TFB1M: variants seen among roughly 807,000 people sequenced by gnomAD.
The protein encoded by TFB1M is dimethyladenosine transferase 1, mitochondrial.
In TFB1M, 27 loss-of-function variants were observed where a neutral mutation model predicts 31.1. The ratio of observed to expected loss-of-function variants is 0.87; its 90% CI spans 0.64 to 1.20. The LOEUF is 1.20. Ranked by LOEUF, TFB1M falls within the 50% of genes most tolerant of loss-of-function variation. The pLI is 0.00. For missense variants in TFB1M, 394 were observed against 418.7 expected (o/e 0.94, Z 0.51); for synonymous variants, 166 against 151.8 (o/e 1.09, Z -0.69).
At chr6:155,296,705 T>G (rs1403198291) in intron 4 of TFB1M, among the ~76,000 whole-genome samples, 1 of 152,208 alleles carries the variant, frequency 6.6e-6, no homozygotes, top group Non-Finnish European at 1.5e-5. Flanking sequence ...CGATGGCTGT[T>G]GCATCCCTGT....
chr6:155,256,742 G>A lies in TFB1M; in HGVS notation c.*1094C>T, dbSNP rs370861581. 8.7e-6 allele frequency: 14 copies of A among 1,614,084 alleles called. No homozygotes were observed. The highest frequency in any genetic ancestry group is 1.6e-4 in the Middle Eastern group (1 of 6,084). On this transcript the variant is annotated 3_prime_UTR_variant, in exon 7 of 7. Coordinates refer to ENST00000367166, the MANE Select transcript of TFB1M (RefSeq NM_016020.4). The stretch of plus-strand genomic sequence containing the variant: ...CTGAGCGATGAAGATGATGACCACC[G>A]TCAGACTGTGAAGCAGGGCAGCCCT...
the TFB1M span, among the ~76,000 whole-genome samples, chr6:155,243,673 C>T: frequency 1.3e-5 from 2 of 151,444 alleles, no homozygotes; most frequent in Non-Finnish European, 2.9e-5. Flanking sequence ...ATGGTGAAAC[C>T]CTGCCCCTAC....
intron 4 of TFB1M, 97 bp downstream of exon 4, chr6:155,296,856 A>G (rs574732639): frequency 1.7e-6 from 2 of 1,185,270 alleles, no homozygotes; most frequent in Admixed American, 1.8e-5. Context: ...ATAAGATATT[A>G]ACTTAGAAAA....
chr6:155,232,965 A>G, the TFB1M span: 1 of 152,116 alleles, frequency 6.6e-6, no homozygotes, highest in Non-Finnish European at 1.5e-5. Flanking sequence ...CTTTTTTCTT[A>G]GACTGAAAGT....
chr6:155,272,401 G>A (rs936339318), intron 5 of TFB1M, among the ~76,000 whole-genome samples: 1 of 152,058 alleles, frequency 6.6e-6, no homozygotes, highest in Non-Finnish European at 1.5e-5. Flanking sequence ...GAAGGTGCCT[G>A]GGTTCTGTTC....
At chr6:155,292,543 C>G (rs1180769981) in intron 4 of TFB1M, among the ~76,000 whole-genome samples, 1 of 151,852 alleles carries the variant, frequency 6.6e-6, no homozygotes, top group Admixed American at 6.6e-5. Flanking sequence ...CTCAACGAGC[C>G]CCAAATTAAA....
At chr6:155,236,828 C>T in the TFB1M span, among the ~76,000 whole-genome samples, 1 of 152,174 alleles carries the variant, frequency 6.6e-6, no homozygotes, top group Non-Finnish European at 1.5e-5. Context: ...CAATCATCTC[C>T]CACTGGGCCC....
At chr6:155,230,265 G>A in the TFB1M span, among the ~76,000 whole-genome samples, 4 of 152,204 alleles carry the variant, frequency 2.6e-5, no homozygotes, top group African/African-American at 7.2e-5. Context: ...GGTGTCCACA[G>A]TTCCTAACTC....
At chr6:155,266,734 C>A (rs113984694) in intron 5 of TFB1M, among the ~76,000 whole-genome samples, 5 of 151,162 alleles carry the variant, frequency 3.3e-5, no homozygotes, top group African/African-American at 1.2e-4. Flanking sequence ...GTAGTCCCCG[C>A]TACTTGGGAG....
chr6:155,256,295 T>A lies in TFB1M; in HGVS notation c.*1541A>T, dbSNP rs1784019770. 3.7e-6 allele frequency: 3 copies of A among 810,264 alleles called. No homozygotes were observed. Among genetic ancestry groups the A allele is most frequent in the East Asian group, 5.3e-5 (2 of 37,526 alleles). The allele number at this position is 810,264 out of a possible 1,614,324, so 50.2% of individuals were successfully genotyped here. On this transcript the variant is annotated 3_prime_UTR_variant, in exon 7 of 7. Transcript: ENST00000367166. ...TGCTGAATTGCCTAACTTACAACTG[T>A]AAACCTAAGTCAAAAATGTCCATGT...
At chr6:155,287,429 G>A (rs1776712527) in intron 4 of TFB1M, among the ~76,000 whole-genome samples, 1 of 152,038 alleles carries the variant, frequency 6.6e-6, no homozygotes, top group South Asian at 2.1e-4. Flanking sequence ...TGATAATTCT[G>A]ATAATGGAAT....
At chr6:155,307,160 CACACACAT>C (rs1359859914) in intron 2 of TFB1M, among the ~76,000 whole-genome samples, 2 of 151,550 alleles carry the variant, frequency 1.3e-5, no homozygotes, top group East Asian at 3.9e-4. Context: ...CACACACACA[CACACACAT>C]ATACACACAG....
intron 4 of TFB1M, among the ~76,000 whole-genome samples, chr6:155,295,606 G>A: frequency 6.6e-6 from 1 of 152,124 alleles, no homozygotes; most frequent in South Asian, 2.1e-4. Flanking sequence ...ATGTACATGG[G>A]GATTCAGGAG....
At chr6:155,269,069 A>C (rs1230926261) in intron 5 of TFB1M, among the ~76,000 whole-genome samples, 1 of 151,218 alleles carries the variant, frequency 6.6e-6, no homozygotes, top group Non-Finnish European at 1.5e-5. Flanking sequence ...ACTTTGCAGG[A>C]CTGAGAAGTA....
intron 2 of TFB1M, among the ~76,000 whole-genome samples, chr6:155,298,867 A>G (rs1777301168): frequency 6.6e-6 from 1 of 152,234 alleles, no homozygotes; most frequent in African/African-American, 2.4e-5. Context: ...TTCTATTTCT[A>G]TATAGATTTA....
Position 155,257,023 on chromosome 6 carries a change from C to T in TFB1M, c.*813G>A. ...TCAGTCTGAAAATGCCACCATCGAC[C>T]TAAATTCTGTTCTAGAGCGAGAATT... On this transcript the variant is annotated 3_prime_UTR_variant, in exon 7 of 7. Coordinates refer to ENST00000367166, the MANE Select transcript of TFB1M (RefSeq NM_016020.4). 1.2e-6 allele frequency: 2 copies of T among 1,614,162 alleles called. No homozygotes were observed. The highest frequency in any genetic ancestry group is 2.7e-5 in the African/African-American group (2 of 75,018).
chr6:155,288,745 T>A (rs544992666), intron 4 of TFB1M, among the ~76,000 whole-genome samples: 1 of 152,186 alleles, frequency 6.6e-6, no homozygotes, highest in Non-Finnish European at 1.5e-5. Flanking sequence ...GCAGCACACA[T>A]AGCTGTCCCT....
chr6:155,300,778 CT>C (rs1170544564), intron 2 of TFB1M, among the ~76,000 whole-genome samples: 1 of 151,844 alleles, frequency 6.6e-6, no homozygotes, highest in Non-Finnish European at 1.5e-5. Flanking sequence ...ATTTACCTTC[CT>C]TTCCTGGGTT....
chr6:155,247,838 CTGACA>C, the TFB1M span, among the ~76,000 whole-genome samples: 243 of 152,324 alleles, frequency 1.6e-3, no homozygotes, highest in Non-Finnish European at 2.5e-3. Flanking sequence ...GAATCCCACG[CTGACA>C]GCTGGGTGCC....
Sources: allele counts gnomAD v4.1 joint callset (sites outside exome capture counted in the v4.1 genomes callset), GRCh38; gene constraint gnomAD v4.1.1; transcripts MANE v1.5; gene names NCBI Gene and HGNC (gene_info 2026-07-23, HGNC 2026-07-21).